The following CNTNAP2 variants were observed in gnomAD, a reference collection of about 807,000 sequenced individuals.
CNTNAP2 encodes the protein contactin-associated protein-like 2.
In CNTNAP2, 98 loss-of-function variants were observed where a neutral mutation model predicts 155.2. That is an observed-to-expected ratio of 0.63 (90% CI 0.54 to 0.75). The LOEUF (loss-of-function observed/expected upper bound fraction) is 0.75, where lower values mean the gene tolerates loss of function less well. Among genes scored for constraint, CNTNAP2 ranks in the 30% least tolerant of loss-of-function variants. CNTNAP2 has a pLI of 0.00. For missense variants in CNTNAP2, 1,727 were observed against 1,688.1 expected (o/e 1.02, Z -0.40); for synonymous variants, 651 against 631.2 (o/e 1.03, Z -0.47).
intron 21 of CNTNAP2, among the ~76,000 whole-genome samples, chr7:148,267,654 C>CAA (rs767655781): frequency 0.036 from 3,131 of 86,822 alleles, 101 homozygotes; most frequent in African/African-American, 0.083. Flanking sequence ...GACTCTGTCT[C>CAA]AAAAAAAAAA....
intron 3 of CNTNAP2, among the ~76,000 whole-genome samples, chr7:146,940,185 C>G (rs1160657400): frequency 1.3e-5 from 2 of 150,012 alleles, no homozygotes; most frequent in Non-Finnish European, 2.9e-5. Context: ...ATTTTGGTCC[C>G]TTTCTTTTTT....
intron 11 of CNTNAP2, among the ~76,000 whole-genome samples, chr7:147,518,851 T>C (rs1165125612): frequency 1.3e-5 from 2 of 151,886 alleles, no homozygotes; most frequent in African/African-American, 4.8e-5. Flanking sequence ...GCCAACATAG[T>C]GAAACCCCGT....
At chr7:148,240,286 G>A (rs1796122198) in intron 20 of CNTNAP2, among the ~76,000 whole-genome samples, 1 of 152,178 alleles carries the variant, frequency 6.6e-6, no homozygotes, top group African/African-American at 2.4e-5. Context: ...TATTCTGGGA[G>A]GGGAGAAAAG....
At chr7:147,632,735 C>T (rs1278323353) in intron 12 of CNTNAP2, among the ~76,000 whole-genome samples, 1 of 152,110 alleles carries the variant, frequency 6.6e-6, no homozygotes, top group Non-Finnish European at 1.5e-5. Flanking sequence ...CAGGAAGAGA[C>T]TGGAACAGTT....
chr7:146,426,720 G>C (rs1286668715), intron 1 of CNTNAP2, among the ~76,000 whole-genome samples: 2 of 151,470 alleles, frequency 1.3e-5, no homozygotes, highest in Non-Finnish European at 2.9e-5. Context: ...TTGGAGACGT[G>C]TTGTTCAAAC....
chr7:146,276,283 G>A (rs1323075064), intron 1 of CNTNAP2, among the ~76,000 whole-genome samples: 1 of 152,072 alleles, frequency 6.6e-6, no homozygotes, highest in Non-Finnish European at 1.5e-5. Context: ...ACTCCTCATA[G>A]AACTTATCAC....
intron 1 of CNTNAP2, among the ~76,000 whole-genome samples, chr7:146,159,595 T>C (rs1294978438): frequency 2.6e-5 from 4 of 152,016 alleles, no homozygotes; most frequent in Non-Finnish European, 5.9e-5. Flanking sequence ...GCAATCTTAG[T>C]CTCTGATAAA....
At chr7:147,583,279 A>G (rs543085368) in intron 12 of CNTNAP2, among the ~76,000 whole-genome samples, 8 of 151,994 alleles carry the variant, frequency 5.3e-5, no homozygotes, top group Admixed American at 2.0e-4. Context: ...TAGAATCAGC[A>G]TGAAAGGAAT....
chr7:147,899,484 A>C (rs934874492), intron 13 of CNTNAP2, among the ~76,000 whole-genome samples: 1 of 152,242 alleles, frequency 6.6e-6, no homozygotes, highest in African/African-American at 2.4e-5. Context: ...GAAATCAGCC[A>C]TACAACACCA....
chr7:148,283,264 AAAG>A (rs370193418), intron 21 of CNTNAP2, among the ~76,000 whole-genome samples: 2,082 of 69,910 alleles, frequency 0.03, 84 homozygotes, highest in Middle Eastern at 0.053. Flanking sequence ...AAAAAGAAAG[AAAG>A]AAAGAAAGAA....
At chr7:148,302,813 CTT>C (rs59354674) in intron 21 of CNTNAP2, among the ~76,000 whole-genome samples, 17,358 of 85,618 alleles carry the variant, frequency 0.2, 474 homozygotes, top group Middle Eastern at 0.34. Context: ...CTCGATTATT[CTT>C]TTTTTTTTTT....
chr7:146,330,507 G>C (rs1306751814), intron 1 of CNTNAP2, among the ~76,000 whole-genome samples: 1 of 152,160 alleles, frequency 6.6e-6, no homozygotes, highest in Admixed American at 6.5e-5. Context: ...GGTGATAAGT[G>C]CTATGAAGAA....
chr7:147,586,697 A>G (rs1352318169), intron 12 of CNTNAP2, among the ~76,000 whole-genome samples: 1 of 152,106 alleles, frequency 6.6e-6, no homozygotes, highest in South Asian at 2.1e-4. Flanking sequence ...GCTTGTCATT[A>G]GTTGTGTTGG....
At position 147,575,371 on chromosome 7, in the gene CNTNAP2, G is replaced by GGTGT. The variant is rs149655952; in HGVS notation, c.1897+13145_1897+13148dup. On this transcript the variant is annotated intron_variant, in intron 12 of 23. Transcript: ENST00000361727. The stretch of plus-strand genomic sequence containing the variant: ...TGTGTGTGTATTCCCTAGCTTTAGG[G>GGTGT]GTGTGTGTGTGTGTGTGTGTGTGTG... Among the ~76,000 whole-genome samples, 850 of 95,866 alleles carry GGTGT rather than the reference G, an allele frequency of 8.9e-3. 3 individuals are homozygous for GGTGT. Among genetic ancestry groups the GGTGT allele is most frequent in the Admixed American group, 0.021 (192 of 8,932 alleles). The allele number at this position is 95,866 out of a possible 152,430, so 62.9% of individuals were successfully genotyped here. A position where few individuals can be genotyped will look rare whatever the true frequency, so the allele number is the denominator to read the frequency against.
chr7:147,509,751 A>G (rs934960806), intron 11 of CNTNAP2, among the ~76,000 whole-genome samples: 1 of 152,016 alleles, frequency 6.6e-6, no homozygotes, highest in African/African-American at 2.4e-5. Context: ...TTGTAAAGTT[A>G]GTCTTTGATA....
chr7:146,695,565 C>G (rs1426337296), intron 1 of CNTNAP2, among the ~76,000 whole-genome samples: 1 of 151,984 alleles, frequency 6.6e-6, no homozygotes, highest in Admixed American at 6.6e-5. Flanking sequence ...CCCACACTAC[C>G]ATGCCCAACT....
At chr7:146,333,469 A>G (rs1035154411) in intron 1 of CNTNAP2, among the ~76,000 whole-genome samples, 23 of 152,212 alleles carry the variant, frequency 1.5e-4, no homozygotes, top group African/African-American at 5.5e-4. Flanking sequence ...ATGCCCGGAA[A>G]AAAAGTAAGA....
chr7:147,630,641 C>T (rs563974566), intron 12 of CNTNAP2, among the ~76,000 whole-genome samples: 9 of 152,192 alleles, frequency 5.9e-5, no homozygotes, highest in African/African-American at 2.2e-4. Flanking sequence ...AAGTGGGTTT[C>T]GTACCAGGGA....
At chr7:146,932,422 T>C (rs1796785002) in intron 3 of CNTNAP2, among the ~76,000 whole-genome samples, 2 of 151,828 alleles carry the variant, frequency 1.3e-5, no homozygotes, top group African/African-American at 4.9e-5. Context: ...AATTAGGTAT[T>C]GATGGGATGT....
Sources: gnomAD v4.1 joint callset for allele counts (sites outside exome capture counted in the v4.1 genomes callset) on GRCh38, gnomAD v4.1.1 for gene constraint, MANE v1.5 for transcripts, NCBI Gene and HGNC (gene_info 2026-07-23, HGNC 2026-07-21) for gene names.